The following FAF1 variants were observed in gnomAD, a reference collection of about 807,000 sequenced individuals.
FAF1 encodes the protein FAS-associated factor 1.
Under a neutral mutation model 92.5 loss-of-function variants are expected in FAF1, and 25 were observed. The ratio of observed to expected loss-of-function variants is 0.27; its 90% CI spans 0.20 to 0.38. FAF1 has a LOEUF of 0.38. FAF1 is among the 10% of genes least tolerant of loss of function. FAF1 has a pLI of 1.00. For synonymous variants in FAF1, 234 were observed against 273.2 expected, an observed-to-expected ratio of 0.86 and a Z score of 1.42; for missense variants, 636 against 793.3, an observed-to-expected ratio of 0.80 and a Z score of 2.38.
intron 4 of FAF1, among the ~76,000 whole-genome samples, chr1:50,749,120 G>A (rs1335684528): frequency 1.3e-5 from 2 of 152,194 alleles, no homozygotes; most frequent in Non-Finnish European, 2.9e-5. Context: ...TTTATGGAAA[G>A]AGTAGAAAAA....
Position 50,820,865 on chromosome 1 carries a change from G to A in FAF1, c.115-19188C>T, listed in dbSNP as rs553603250. On this transcript the variant is annotated intron_variant, in intron 2 of 18. Coordinates refer to ENST00000396153, the MANE Select transcript of FAF1 (RefSeq NM_007051.3). ...AATAATAATGTGTGTGTGTGTGTGT[G>A]TACACATACCAGATTTTCTTTATCC... 4.6e-5 allele frequency among the ~76,000 whole-genome samples: 7 copies of A among 152,156 alleles called. No homozygotes were observed. The South Asian group carries it at 1.5e-3, about 32-fold the overall frequency.
At chr1:50,861,897 A>G (rs1644436319) in intron 1 of FAF1, among the ~76,000 whole-genome samples, 1 of 151,824 alleles carries the variant, frequency 6.6e-6, no homozygotes, top group South Asian at 2.1e-4. Flanking sequence ...CTCACCAGAA[A>G]CTGACTACTC....
intron 9 of FAF1, among the ~76,000 whole-genome samples, chr1:50,595,430 GATATTAAGCAC>G (rs759637738): frequency 1.1e-4 from 16 of 152,138 alleles, no homozygotes; most frequent in Non-Finnish European, 1.8e-4. Context: ...GTTATCTAAA[GATATTAAGCAC>G]AGTGTCTGCT....
chr1:50,850,299 T>A (rs1242865848), intron 2 of FAF1, among the ~76,000 whole-genome samples: 1 of 152,140 alleles, frequency 6.6e-6, no homozygotes, highest in Non-Finnish European at 1.5e-5. Context: ...AACTCATTCA[T>A]GATGAAGAGG....
chr1:50,905,794 G>A (rs1644832906), intron 1 of FAF1, among the ~76,000 whole-genome samples: 1 of 152,112 alleles, frequency 6.6e-6, no homozygotes, highest in African/African-American at 2.4e-5. Flanking sequence ...TGTCAGATGG[G>A]TAGATTGCAA....
At chr1:50,587,258 C>T (rs1432292107) in intron 9 of FAF1, among the ~76,000 whole-genome samples, 1 of 152,166 alleles carries the variant, frequency 6.6e-6, no homozygotes, top group Admixed American at 6.6e-5. Context: ...CTCCATTATT[C>T]GTTTTCCCTT....
chr1:50,656,598 G>A (rs1655123489), intron 7 of FAF1, among the ~76,000 whole-genome samples: 1 of 152,104 alleles, frequency 6.6e-6, no homozygotes, highest in South Asian at 2.1e-4. Context: ...ATTAAGAAGT[G>A]TTGGCTAGGC....
rs887520753 is a variant in FAF1, at chr1:50,871,529, A to G, written c.46-13532T>C. Among the ~76,000 whole-genome samples the G allele has an allele frequency of 3.9e-5, 6 of 152,322 alleles. No individual in the cohort carries two copies. The East Asian group carries it at 1.2e-3, about 29-fold the overall frequency. ...TCTGAAAATCCTAGGTCTCTTCAGAATTATGCTAAATCTATTCTGCCTGTG... is the reference window on the plus strand; with the variant it reads ...TCTGAAAATCCTAGGTCTCTTCAGAGTTATGCTAAATCTATTCTGCCTGTG... On this transcript the variant is annotated intron_variant, in intron 1 of 18. Transcript: ENST00000396153.
At position 50,726,942 on chromosome 1, in the gene FAF1, C is replaced by T. The variant is rs1336128844; in HGVS notation, c.551+11921G>A. On this transcript the variant is annotated intron_variant, in intron 6 of 18. Coordinates refer to ENST00000396153, the MANE Select transcript of FAF1 (RefSeq NM_007051.3). ...CAAAGACTGTCTTTTATTATCAAGACATTTCTTCAGTCCTTTTCTAGCAAG... is the reference window on the plus strand; with the variant it reads ...CAAAGACTGTCTTTTATTATCAAGATATTTCTTCAGTCCTTTTCTAGCAAG... Among the ~76,000 whole-genome samples the T allele has an allele frequency of 4.6e-5, 7 of 152,350 alleles. No individual in the cohort carries two copies. The East Asian group carries it at 1.2e-3, about 25-fold the overall frequency.
At chr1:50,804,694 A>C (rs1453839845) in intron 2 of FAF1, among the ~76,000 whole-genome samples, 5 of 152,364 alleles carry the variant, frequency 3.3e-5, no homozygotes, top group African/African-American at 1.2e-4. Context: ...AACTGTAAGA[A>C]GAACAGCTGC....
chr1:50,779,901 A>G (rs183679269), intron 4 of FAF1, among the ~76,000 whole-genome samples: 9 of 152,054 alleles, frequency 5.9e-5, no homozygotes, highest in Admixed American at 3.9e-4. Context: ...TGGGCCGCTT[A>G]GTGAGAGCCT....
At chr1:50,466,398 C>T (rs752295175) in intron 18 of FAF1, among the ~76,000 whole-genome samples, 3 of 152,202 alleles carry the variant, frequency 2.0e-5, no homozygotes, top group Middle Eastern at 3.4e-3. Context: ...TCATGTGAGA[C>T]GCCTACTGGA....
chr1:50,658,721 A>G (rs914069723), intron 7 of FAF1, among the ~76,000 whole-genome samples: 13 of 152,260 alleles, frequency 8.5e-5, no homozygotes, highest in African/African-American at 3.1e-4. Flanking sequence ...TAATGCAGAC[A>G]GAACTTGGCT....
intron 17 of FAF1, among the ~76,000 whole-genome samples, chr1:50,475,897 T>C (rs1229363041): frequency 6.6e-6 from 1 of 152,166 alleles, no homozygotes; most frequent in Non-Finnish European, 1.5e-5. Context: ...AAATTCCACC[T>C]TGATGACACA....
chr1:50,834,387 C>T (rs992307287), intron 2 of FAF1, among the ~76,000 whole-genome samples: 10 of 152,294 alleles, frequency 6.6e-5, no homozygotes, highest in South Asian at 4.1e-4. Flanking sequence ...AAGTGAAACT[C>T]GTAAGACCAC....
chr1:50,739,311 C>A (rs756328258), intron 5 of FAF1, among the ~76,000 whole-genome samples: 17 of 151,860 alleles, frequency 1.1e-4, no homozygotes, highest in Admixed American at 3.9e-4. Flanking sequence ...CACGTACATG[C>A]ATATACATGT....
intron 7 of FAF1, among the ~76,000 whole-genome samples, chr1:50,665,216 A>C (rs915498272): frequency 3.3e-5 from 5 of 152,264 alleles, no homozygotes; most frequent in Non-Finnish European, 7.3e-5. Context: ...TGTGAAATTC[A>C]ATTTTATATA....
chr1:50,467,536 A>T (rs1463994067), intron 18 of FAF1, among the ~76,000 whole-genome samples: 1 of 152,000 alleles, frequency 6.6e-6, no homozygotes, highest in Non-Finnish European at 1.5e-5. Flanking sequence ...GACGGTCTCG[A>T]TCTCCTGACC....
intron 15 of FAF1, among the ~76,000 whole-genome samples, chr1:50,502,727 C>T (rs1647007546): frequency 6.6e-6 from 1 of 152,094 alleles, no homozygotes; most frequent in Non-Finnish European, 1.5e-5. Context: ...GCTGAATATT[C>T]AAGCTTTCTT....
Sources: gnomAD v4.1 joint callset for allele counts (sites outside exome capture counted in the v4.1 genomes callset) on GRCh38, gnomAD v4.1.1 for gene constraint, MANE v1.5 for transcripts, NCBI Gene and HGNC (gene_info 2026-07-23, HGNC 2026-07-21) for gene names.